The following NSMCE2 variants were observed in gnomAD, a reference collection of about 807,000 sequenced individuals.
The protein encoded by NSMCE2 is E3 SUMO-protein ligase NSE2.
NSMCE2 carries 24 observed loss-of-function variants against 23.8 expected under a neutral mutation model. That is an observed-to-expected ratio of 1.01 (90% CI 0.73 to 1.42). The LOEUF is 1.42. Ranked by LOEUF, NSMCE2 falls within the 40% of genes most tolerant of loss-of-function variation. The pLI is 0.00. For synonymous variants in NSMCE2, 92 were observed against 94.1 expected (o/e 0.98, Z 0.13); for missense variants, 284 against 296.5 (o/e 0.96, Z 0.31).
At chr8:125,181,600 A>G (rs933901596) in intron 4 of NSMCE2, among the ~76,000 whole-genome samples, 14 of 152,116 alleles carry the variant, frequency 9.2e-5, no homozygotes, top group African/African-American at 2.7e-4. Context: ...ACCAGGGGGC[A>G]CTTATTCCTT....
chr8:125,135,207 T>C lies in NSMCE2; in HGVS notation c.158-15964T>C, dbSNP rs555662848. On this transcript the variant is annotated intron_variant, in intron 3 of 7. Coordinates refer to ENST00000287437, the MANE Select transcript of NSMCE2 (RefSeq NM_173685.4). ...TGCCAGGATTACAGTTGTAACCTGC[T>C]GTGCCTGGCCTAAAAAAGATTTTTT... is the stretch of plus-strand genomic sequence containing the variant. Among the ~76,000 whole-genome samples, 5 of 152,244 alleles carry C rather than the reference T, an allele frequency of 3.3e-5. No individual in the cohort carries two copies. The East Asian group carries it at 9.7e-4, about 29-fold the overall frequency.
chr8:125,300,632 G>A (rs547954902), intron 5 of NSMCE2, among the ~76,000 whole-genome samples: 6 of 152,270 alleles, frequency 3.9e-5, no homozygotes, highest in South Asian at 2.1e-4. Context: ...GAAGAACATC[G>A]TCCCTGCACT....
intron 4 of NSMCE2, among the ~76,000 whole-genome samples, chr8:125,181,536 T>G (rs1822808364): frequency 6.6e-6 from 1 of 152,120 alleles, no homozygotes; most frequent in African/African-American, 2.4e-5. Flanking sequence ...GGAAATAATT[T>G]TATAATATTG....
intron 5 of NSMCE2, among the ~76,000 whole-genome samples, chr8:125,298,460 A>C (rs1828415037): frequency 6.6e-6 from 1 of 152,200 alleles, no homozygotes; most frequent in Non-Finnish European, 1.5e-5. Flanking sequence ...CAGCGTTTGC[A>C]GTCAAGCAGA....
chr8:125,343,870 G>A (rs1051683404), intron 5 of NSMCE2, among the ~76,000 whole-genome samples: 42 of 151,864 alleles, frequency 2.8e-4, no homozygotes, highest in South Asian at 1.0e-3. Context: ...GCTGGACGTG[G>A]TGGCGGGCGC....
chr8:125,298,112 T>C (rs934810454), intron 5 of NSMCE2, among the ~76,000 whole-genome samples: 2 of 151,766 alleles, frequency 1.3e-5, no homozygotes, highest in African/African-American at 4.8e-5. Flanking sequence ...AATAAAAAAT[T>C]TGCCTGGTGT....
rs547861796 is a variant in NSMCE2 at position 125,323,090 on chromosome 8, C to T, written c.419-34129C>T. On this transcript the variant is annotated intron_variant, in intron 5 of 7. Transcript: ENST00000287437. ...ATATATGTATATATGAAATACCTAT[C>T]GATGTATCTGACTAAAGGTGTGCAA... Among the ~76,000 whole-genome samples the T allele has an allele frequency of 3.3e-5, 5 of 152,266 alleles. No individual in the cohort carries two copies. In the East Asian group the frequency reaches 9.6e-4, roughly 29 times the overall value.
chr8:125,218,704 G>GC (rs1824714934), intron 5 of NSMCE2, among the ~76,000 whole-genome samples: 3 of 152,068 alleles, frequency 2.0e-5, no homozygotes, highest in African/African-American at 4.8e-5. Context: ...GAGCCACTGC[G>GC]CCCGGCCAAA....
At chr8:125,293,755 A>G (rs1380962432) in intron 5 of NSMCE2, among the ~76,000 whole-genome samples, 1 of 152,206 alleles carries the variant, frequency 6.6e-6, no homozygotes, top group East Asian at 1.9e-4. Flanking sequence ...AGACAGTTAT[A>G]TCTCCTACTA....
intron 5 of NSMCE2, among the ~76,000 whole-genome samples, chr8:125,286,319 T>A (rs7818322): frequency 0.23 from 18,417 of 79,630 alleles, 1,257 homozygotes; most frequent in South Asian, 0.34. Context: ...TTATTTATTT[T>A]TTTTTTTTTT....
intron 5 of NSMCE2, among the ~76,000 whole-genome samples, chr8:125,185,449 C>T (rs541714199): frequency 2.0e-5 from 3 of 152,078 alleles, no homozygotes; most frequent in East Asian, 1.9e-4. Context: ...TGGGATTATA[C>T]GTGCATGCCA....
chr8:125,347,123 CACTT>C (rs1350796817), intron 5 of NSMCE2, among the ~76,000 whole-genome samples: 2 of 152,162 alleles, frequency 1.3e-5, no homozygotes, highest in Non-Finnish European at 2.9e-5. Flanking sequence ...TACATTAACT[CACTT>C]AATCCTCAGA....
chr8:125,322,035 A>G (rs1349520770), intron 5 of NSMCE2, among the ~76,000 whole-genome samples: 2 of 152,084 alleles, frequency 1.3e-5, no homozygotes, highest in Non-Finnish European at 2.9e-5. Context: ...GTTTATTTCA[A>G]TATCTTTTAA....
intron 5 of NSMCE2, among the ~76,000 whole-genome samples, chr8:125,325,953 AAAAT>A (rs1042261885): frequency 5.3e-5 from 8 of 152,026 alleles, no homozygotes; most frequent in Non-Finnish European, 1.0e-4. Flanking sequence ...ACTCCGTCTC[AAAAT>A]AAATAAATAA....
intron 5 of NSMCE2, among the ~76,000 whole-genome samples, chr8:125,231,723 A>G (rs1364540945): frequency 6.6e-6 from 1 of 152,214 alleles, no homozygotes; most frequent in Non-Finnish European, 1.5e-5. Context: ...AAAAATATAT[A>G]TATATTTCTT....
Position 125,155,366 on chromosome 8 carries a change from T to C in NSMCE2, c.264+4089T>C, listed in dbSNP as rs115564625. The stretch of plus-strand genomic sequence containing the variant: ...AGCATCTTATTTCTGATTGTCTTGA[T>C]GTCAGCTTCAGAGTGCCTTAATCAA... On this transcript the variant is annotated intron_variant, in intron 4 of 7. Coordinates refer to ENST00000287437, the MANE Select transcript of NSMCE2 (RefSeq NM_173685.4). 5.8e-3 allele frequency among the ~76,000 whole-genome samples: 881 copies of C among 152,328 alleles called. 6 individuals are homozygous for C. The highest frequency in any genetic ancestry group is 0.02 in the African/African-American group (841 of 41,572).
intron 3 of NSMCE2, among the ~76,000 whole-genome samples, chr8:125,109,290 GATA>G (rs1309479497): frequency 2.0e-5 from 3 of 152,188 alleles, no homozygotes; most frequent in Non-Finnish European, 4.4e-5. Context: ...GGATTAGCGA[GATA>G]ATATTTTACA....
At chr8:125,324,377 T>C (rs986515040) in intron 5 of NSMCE2, among the ~76,000 whole-genome samples, 75 of 152,104 alleles carry the variant, frequency 4.9e-4, no homozygotes, top group African/African-American at 1.6e-3. Flanking sequence ...AGCAGCTTTA[T>C]TTCTATTAGT....
chr8:125,257,735 T>C (rs886494055), intron 5 of NSMCE2, among the ~76,000 whole-genome samples: 13 of 152,072 alleles, frequency 8.5e-5, no homozygotes, highest in Non-Finnish European at 1.9e-4. Flanking sequence ...GGGGTTTCAT[T>C]GTGTTAGCCA....
Sources: allele counts gnomAD v4.1 joint callset (sites outside exome capture counted in the v4.1 genomes callset), GRCh38; gene constraint gnomAD v4.1.1; transcripts MANE v1.5; gene names NCBI Gene and HGNC (gene_info 2026-07-23, HGNC 2026-07-21).